ZFP90: variants seen among roughly 807,000 people sequenced by gnomAD.
ZFP90 encodes ZFP90 zinc finger protein, also known as zinc finger protein 90 homolog.
In ZFP90, 38 loss-of-function variants were observed where a neutral mutation model predicts 60.8. The observed-to-expected ratio is 0.62, with a 90% CI of 0.48 to 0.82. The LOEUF (loss-of-function observed/expected upper bound fraction) is 0.82, where lower values mean the gene tolerates loss of function less well. Ranked by LOEUF, ZFP90 falls within the 40% of genes least tolerant of loss-of-function variation. The probability of loss-of-function intolerance (pLI) is 0.00; values close to 1 mark genes in which losing one functional copy is unlikely to be tolerated. For missense variants in ZFP90, 711 were observed against 759.1 expected, an observed-to-expected ratio of 0.94 and a Z score of 0.74; for synonymous variants, 287 against 264.8, an observed-to-expected ratio of 1.08 and a Z score of -0.82.
At chr16:68,569,765 T>G (rs1244352536), downstream of ZFP90, among the ~76,000 whole-genome samples, 1 of 151,948 alleles carries the variant, frequency 6.6e-6, no homozygotes, top group Non-Finnish European at 1.5e-5. Context: ...ATGAGTCTCA[T>G]AACGTGGTCT....
chr16:68,575,029 G>A (rs577660100), intron 2 of ZFP90, among the ~76,000 whole-genome samples: 1 of 152,058 alleles, frequency 6.6e-6, no homozygotes, highest in Non-Finnish European at 1.5e-5. Flanking sequence ...CACCCCAGAT[G>A]AAGACACCCT....
At chr16:68,554,723 G>A (rs2091317052) in intron 2 of ZFP90, among the ~76,000 whole-genome samples, 1 of 152,100 alleles carries the variant, frequency 6.6e-6, no homozygotes, top group African/African-American at 2.4e-5. Flanking sequence ...AGGCCGAGGT[G>A]GGAGGATCAC....
Position 68,565,832 on chromosome 16 carries a change from A to G in ZFP90, c.*1134A>G, listed in dbSNP as rs779641815. On this transcript the variant is annotated 3_prime_UTR_variant, in exon 5 of 5. Coordinates refer to ENST00000563169, the MANE Select transcript of ZFP90 (RefSeq NM_001305203.2). ...GCAAAGAAAAGATTTCACCATTAAAAAAATTAACTTGGCTAGGTATGGTGT... is the reference window on the plus strand; with the variant it reads ...GCAAAGAAAAGATTTCACCATTAAAGAAATTAACTTGGCTAGGTATGGTGT... 2 of 985,472 alleles carry G rather than the reference A, an allele frequency of 2.0e-6. No individual in the cohort carries two copies. The highest frequency in any genetic ancestry group is 2.4e-6 in the Non-Finnish European group (2 of 829,934). The allele number at this position is 985,472 out of a possible 1,614,324, so 61.0% of individuals were successfully genotyped here. A position where few individuals can be genotyped will look rare whatever the true frequency, so the allele number is the denominator to read the frequency against.
In ZFP90 at chr16:68,562,849, A is replaced by G. The variant is rs913622685; in HGVS notation, c.257-195A>G. On this transcript the variant is annotated intron_variant, in intron 4 of 4. Transcript: ENST00000563169. The stretch of plus-strand genomic sequence containing the variant: ...GCTTTCCTCATTCTCTGGACTTACC[A>G]CATACTCTGAATCTGCAGTCTTTGC... 1.0e-5 allele frequency: 13 copies of G among 1,284,404 alleles called. No homozygotes were observed. In the African/African-American group the frequency reaches 1.3e-4, roughly 13 times the overall value. The allele number at this position is 1,284,404 out of a possible 1,614,324, so 79.6% of individuals were successfully genotyped here. A position where few individuals can be genotyped will look rare whatever the true frequency, so the allele number is the denominator to read the frequency against.
upstream of ZFP90, among the ~76,000 whole-genome samples, chr16:68,536,662 C>T (rs1050966124): frequency 2.6e-5 from 4 of 152,106 alleles, no homozygotes; most frequent in South Asian, 2.1e-4. Context: ...GGTGGCATTG[C>T]GTCAGTGGTT....
At position 68,566,119 on chromosome 16, in the gene ZFP90, C is replaced by CAA. The variant is rs1458784124; in HGVS notation, c.*1422_*1423dup. ...CTGCATTCCAGCCTGAGCAACAGAG[C>CAA]AAGACACACACACATCAATTTATTT... is the stretch of plus-strand genomic sequence containing the variant. On this transcript the variant is annotated 3_prime_UTR_variant, in exon 5 of 5. Coordinates refer to ENST00000563169, the MANE Select transcript of ZFP90 (RefSeq NM_001305203.2). 3.5e-6 allele frequency: 3 copies of CAA among 867,988 alleles called. No homozygotes were observed. The highest frequency in any genetic ancestry group is 3.9e-6 in the Non-Finnish European group (3 of 763,086). The allele number at this position is 867,988 out of a possible 1,614,324, so 53.8% of individuals were successfully genotyped here. A position where few individuals can be genotyped will look rare whatever the true frequency, so the allele number is the denominator to read the frequency against.
At chr16:68,542,625 G>T (rs1241412041) in intron 2 of ZFP90, among the ~76,000 whole-genome samples, 2 of 152,070 alleles carry the variant, frequency 1.3e-5, no homozygotes, top group African/African-American at 4.8e-5. Flanking sequence ...AAGGGAGAGG[G>T]TAGAGCTGAT....
rs1567411625 is a variant in ZFP90 at position 68,564,186 on chromosome 16, G to GC, written c.1399_1400insC (p.Asp467AlafsTer13). The GC allele has an allele frequency of 6.2e-7, 1 of 1,614,066 alleles. No individual in the cohort carries two copies. Among genetic ancestry groups the GC allele is most frequent in the Non-Finnish European group, 8.5e-7 (1 of 1,180,026 alleles). On this transcript the variant is annotated frameshift_variant, in exon 5 of 5. Coordinates refer to ENST00000563169, the MANE Select transcript of ZFP90 (RefSeq NM_001305203.2). LOFTEE classifies it high-confidence loss of function. ...CTTTAGTCACATTACAGACTTTACT[G>GC]ACCATCAGAGGATCCATACTGCAGA... is the stretch of plus-strand genomic sequence containing the variant.
Sources: allele counts gnomAD v4.1 joint callset (sites outside exome capture counted in the v4.1 genomes callset), GRCh38; gene constraint gnomAD v4.1.1; transcripts MANE v1.5; gene names NCBI Gene and HGNC (gene_info 2026-07-23, HGNC 2026-07-21).